Variants in MAGI2 observed in about 807,000 individuals in gnomAD.
MAGI2 encodes membrane-associated guanylate kinase, WW and PDZ domain-containing protein 2.
In MAGI2, 35 loss-of-function variants were observed where a neutral mutation model predicts 133.3. The ratio of observed to expected loss-of-function variants is 0.26; its 90% confidence interval spans 0.20 to 0.35. MAGI2 has a LOEUF of 0.35. Ranked by LOEUF, MAGI2 falls within the 10% of genes least tolerant of loss-of-function variation. The probability of loss-of-function intolerance (pLI) is 1.00; values close to 1 mark genes in which losing one functional copy is unlikely to be tolerated. For synonymous variants in MAGI2, 729 were observed against 710.6 expected, an observed-to-expected ratio of 1.03 and a Z score of -0.41; for missense variants, 1,636 against 1,863.4, an observed-to-expected ratio of 0.88 and a Z score of 2.25.
At chr7:78,252,098 A>G (rs1792444683) in intron 10 of MAGI2, 1 of 149,250 alleles carries the variant, frequency 6.7e-6, no homozygotes, top group African/African-American at 2.5e-5. Context: ...TGATTGCACC[A>G]CTGTACTGTA....
chr7:78,061,608 G>T (rs113403910), intron 21 of MAGI2, among the ~76,000 whole-genome samples: 151 of 152,278 alleles, frequency 9.9e-4, no homozygotes, highest in African/African-American at 3.6e-3. Flanking sequence ...GGGTAGAATT[G>T]TCTAGCAGGC....
chr7:78,057,404 G>C (rs1420559025), intron 21 of MAGI2, among the ~76,000 whole-genome samples: 2 of 152,002 alleles, frequency 1.3e-5, no homozygotes, highest in Non-Finnish European at 2.9e-5. Flanking sequence ...CACCATGCCT[G>C]GCTAATTTTT....
intron 1 of MAGI2, among the ~76,000 whole-genome samples, chr7:79,430,752 C>T (rs1443447707): frequency 6.6e-6 from 1 of 152,164 alleles, no homozygotes; most frequent in Non-Finnish European, 1.5e-5. Flanking sequence ...ACAGAACTCA[C>T]CAAATATATC....
chr7:78,966,835 C>CTTT (rs34597215), intron 2 of MAGI2, among the ~76,000 whole-genome samples: 1 of 129,086 alleles, frequency 7.7e-6, no homozygotes, highest in Non-Finnish European at 1.7e-5. Flanking sequence ...GCCTACACGT[C>CTTT]TTTTTTTTTT....
At chr7:78,318,468 T>C (rs1423907051) in intron 9 of MAGI2, among the ~76,000 whole-genome samples, 3 of 152,182 alleles carry the variant, frequency 2.0e-5, no homozygotes, top group African/African-American at 7.2e-5. Context: ...TATGGGACTA[T>C]GTGAAAAGAC....
intron 16 of MAGI2, among the ~76,000 whole-genome samples, chr7:78,140,449 A>C (rs1201838889): frequency 6.6e-6 from 1 of 152,218 alleles, no homozygotes; most frequent in African/African-American, 2.4e-5. Flanking sequence ...TGCATCGATC[A>C]TGCCAAACTT....
intron 2 of MAGI2, among the ~76,000 whole-genome samples, chr7:78,868,372 A>G (rs1362412360): frequency 4.6e-5 from 7 of 152,248 alleles, no homozygotes; most frequent in African/African-American, 1.7e-4. Context: ...AGGGCAAGTA[A>G]TATCCCTAGG....
At chr7:78,897,120 G>A (rs948452286) in intron 2 of MAGI2, among the ~76,000 whole-genome samples, 5 of 152,114 alleles carry the variant, frequency 3.3e-5, no homozygotes, top group Non-Finnish European at 5.9e-5. Flanking sequence ...GCATTTAATG[G>A]AACTCTCTAG....
intron 2 of MAGI2, among the ~76,000 whole-genome samples, chr7:78,902,269 T>C (rs1196976459): frequency 6.6e-6 from 1 of 152,156 alleles, no homozygotes; most frequent in Non-Finnish European, 1.5e-5. Context: ...ATCATACAAC[T>C]TTAGAAAGAG....
chr7:79,395,227 TTAGA>T (rs915833996), intron 1 of MAGI2, among the ~76,000 whole-genome samples: 1 of 152,198 alleles, frequency 6.6e-6, no homozygotes, highest in African/African-American at 2.4e-5. Flanking sequence ...AGCTCTTACC[TTAGA>T]TAAAGGAATA....
chr7:78,870,273 G>T (rs777507816), intron 2 of MAGI2, among the ~76,000 whole-genome samples: 4 of 151,382 alleles, frequency 2.6e-5, no homozygotes, highest in East Asian at 3.9e-4. Context: ...CCTGAACCAG[G>T]GATATTGAGG....
intron 6 of MAGI2, among the ~76,000 whole-genome samples, chr7:78,429,584 A>G (rs1003320003): frequency 6.6e-6 from 1 of 152,128 alleles, no homozygotes; most frequent in Non-Finnish European, 1.5e-5. Flanking sequence ...ATAAATATGT[A>G]CCTTTTTTCT....
At chr7:78,292,659 C>T (rs984160637) in intron 9 of MAGI2, among the ~76,000 whole-genome samples, 2 of 152,202 alleles carry the variant, frequency 1.3e-5, no homozygotes, top group Non-Finnish European at 2.9e-5. Flanking sequence ...AAGCTGGAGG[C>T]ATCAGACTAC....
chr7:78,546,907 T>C (rs925262310), intron 3 of MAGI2, among the ~76,000 whole-genome samples: 3 of 152,218 alleles, frequency 2.0e-5, no homozygotes, highest in African/African-American at 4.8e-5. Flanking sequence ...CACTCAACTT[T>C]GTGCATTGGA....
intron 1 of MAGI2, among the ~76,000 whole-genome samples, chr7:79,242,869 G>T (rs957169785): frequency 1.3e-5 from 2 of 152,006 alleles, no homozygotes; most frequent in African/African-American, 4.8e-5. Context: ...TCTGTACCAT[G>T]TTCCCTAAAA....
At chr7:78,582,552 C>T (rs1170963392) in intron 3 of MAGI2, among the ~76,000 whole-genome samples, 4 of 152,172 alleles carry the variant, frequency 2.6e-5, no homozygotes, top group Non-Finnish European at 5.9e-5. Context: ...CAAAGGGAGA[C>T]AATTCCAGTT....
chr7:78,577,665 CG>C lies in MAGI2; in HGVS notation c.538+49454del, dbSNP rs1442411651. On this transcript the variant is annotated intron_variant, in intron 3 of 21. Transcript: ENST00000354212. ...GGGTTGTTCTCTGGCGGGCAGGAGT[CG>C]GGGGGTCACAAGGTACTCAGTGGGG... 3.2e-5 allele frequency among the ~76,000 whole-genome samples: 3 copies of C among 94,134 alleles called. No homozygotes were observed. In the East Asian group the frequency reaches 8.1e-4, roughly 25 times the overall value. The allele number at this position is 94,134 out of a possible 152,430, so 61.8% of individuals were successfully genotyped here.
chr7:78,046,418 A>AG (rs1171409243), intron 21 of MAGI2, among the ~76,000 whole-genome samples: 1 of 151,920 alleles, frequency 6.6e-6, no homozygotes, highest in Non-Finnish European at 1.5e-5. Context: ...AAACAAAAAA[A>AG]AAACAAAGGA....
intron 1 of MAGI2, among the ~76,000 whole-genome samples, chr7:79,138,686 C>T (rs905295473): frequency 3.0e-4 from 46 of 152,108 alleles, no homozygotes; most frequent in Non-Finnish European, 5.7e-4. Flanking sequence ...GGGCCATAAT[C>T]CAATATGACT....
Sources: gnomAD v4.1 joint callset for allele counts (sites outside exome capture counted in the v4.1 genomes callset) on GRCh38, gnomAD v4.1.1 for gene constraint, MANE v1.5 for transcripts, NCBI Gene and HGNC (gene_info 2026-07-23, HGNC 2026-07-21) for gene names.